The following TNS3 variants were observed in gnomAD, a reference collection of about 807,000 sequenced individuals.
TNS3 encodes tensin 3.
Under a neutral mutation model 140.9 loss-of-function variants are expected in TNS3, and 45 were observed. That is an observed-to-expected ratio of 0.32 (90% CI 0.25 to 0.41). The LOEUF (loss-of-function observed/expected upper bound fraction) is 0.41. Among genes scored for constraint, TNS3 ranks in the 10% least tolerant of loss-of-function variants. The probability of loss-of-function intolerance (pLI) is 1.00; values close to 1 mark genes in which losing one functional copy is unlikely to be tolerated. For synonymous variants in TNS3, 815 were observed against 788.4 expected (o/e 1.03, Z -0.56); for missense variants, 1,716 against 1,906.7 (o/e 0.90, Z 1.86).
intron 17 of TNS3, among the ~76,000 whole-genome samples, chr7:47,360,777 G>A (rs778774732): frequency 4.6e-5 from 7 of 152,140 alleles, no homozygotes; most frequent in African/African-American, 7.2e-5. Flanking sequence ...CCTCAGATGC[G>A]CACGCTGCTG....
At chr7:47,341,768 G>A (rs1317688906) in intron 20 of TNS3, among the ~76,000 whole-genome samples, 1 of 151,670 alleles carries the variant, frequency 6.6e-6, no homozygotes, top group East Asian at 1.9e-4. Flanking sequence ...CTTGGGTCTA[G>A]TTTGTTCTCC....
At chr7:47,546,290 G>A (rs564141021) in intron 1 of TNS3, among the ~76,000 whole-genome samples, 52 of 152,276 alleles carry the variant, frequency 3.4e-4, no homozygotes, top group Non-Finnish European at 5.7e-4. Flanking sequence ...CTTGTCTCAC[G>A]TGGCGTCCAC....
chr7:47,515,353 T>G (rs756769227), intron 2 of TNS3, among the ~76,000 whole-genome samples: 4 of 152,074 alleles, frequency 2.6e-5, no homozygotes, highest in Admixed American at 2.6e-4. Flanking sequence ...ACGATCAGCA[T>G]CATCATCACA....
At chr7:47,546,207 T>C (rs1374184994) in intron 1 of TNS3, among the ~76,000 whole-genome samples, 1 of 152,208 alleles carries the variant, frequency 6.6e-6, no homozygotes, top group Admixed American at 6.5e-5. Flanking sequence ...AAGCGGATGA[T>C]CAAATTGCAA....
chr7:47,530,225 G>C (rs1799342080), intron 1 of TNS3, among the ~76,000 whole-genome samples: 1 of 152,150 alleles, frequency 6.6e-6, no homozygotes, highest in Admixed American at 6.5e-5. Context: ...TGAGGAAAAT[G>C]TAAGAATACA....
intron 1 of TNS3, among the ~76,000 whole-genome samples, chr7:47,574,203 C>A (rs1314904160): frequency 6.6e-6 from 1 of 152,062 alleles, no homozygotes; most frequent in African/African-American, 2.4e-5. Flanking sequence ...AAAATCAGAC[C>A]CTTTTAATTG....
intron 20 of TNS3, among the ~76,000 whole-genome samples, chr7:47,344,337 C>T (rs2150990711): frequency 6.6e-6 from 1 of 152,328 alleles, no homozygotes; most frequent in Admixed American, 6.5e-5. Flanking sequence ...CCACTAATAA[C>T]AGACAGGAGG....
chr7:47,561,888 G>A (rs1277802664), intron 1 of TNS3, among the ~76,000 whole-genome samples: 2 of 150,490 alleles, frequency 1.3e-5, no homozygotes, highest in African/African-American at 2.5e-5. Flanking sequence ...AGGCCAGGCT[G>A]TGAAGACCTG....
intron 16 of TNS3, among the ~76,000 whole-genome samples, chr7:47,387,869 C>T (rs1479512393): frequency 6.6e-6 from 1 of 152,234 alleles, no homozygotes; most frequent in African/African-American, 2.4e-5. Flanking sequence ...AGAGACTCTG[C>T]TTTTCTTCAG....
chr7:47,415,066 C>T (rs778560217), intron 11 of TNS3, 28 bp downstream of exon 11: 3 of 1,561,670 alleles, frequency 1.9e-6, no homozygotes, highest in Non-Finnish European at 2.6e-6. Context: ...CAGCCAATCG[C>T]AGGTGCCACG....
intron 1 of TNS3, among the ~76,000 whole-genome samples, chr7:47,580,753 A>G (rs1252097683): frequency 6.6e-6 from 1 of 152,344 alleles, no homozygotes; most frequent in African/African-American, 2.4e-5. Context: ...AAGGGAAAGC[A>G]TGAAAGCAAT....
Position 47,569,142 on chromosome 7 carries a change from C to G in TNS3, c.-265+12909G>C, listed in dbSNP as rs998196975. On this transcript the variant is annotated intron_variant, in intron 1 of 30. Transcript: ENST00000311160. Reference sequence around the variant, plus strand: ...GTCCCCGATGCAGTATTTGTGAACACGATCTGGGGGTCTCAGCACAAAGCA... The same window carrying G: ...GTCCCCGATGCAGTATTTGTGAACAGGATCTGGGGGTCTCAGCACAAAGCA... Among the ~76,000 whole-genome samples the G allele has an allele frequency of 2.4e-4, 36 of 152,242 alleles. 1 individual carries two copies. The highest frequency in any genetic ancestry group is 2.4e-3 in the Admixed American group (36 of 15,286).
At position 47,304,694 on chromosome 7, in the gene TNS3, G is replaced by A. The variant is rs139950697; in HGVS notation, c.2822+138C>T. On this transcript the variant is annotated intron_variant, in intron 21 of 30. Coordinates refer to ENST00000311160, the MANE Select transcript of TNS3 (RefSeq NM_022748.12). ...GCACACAGCCCTGGTCCCCTGCCCC[G>A]CCCCATCTTCAGGCCAGTCCCTGCC... 623 of 849,866 alleles carry A rather than the reference G, an allele frequency of 7.3e-4. 1 individual carries two copies. Among genetic ancestry groups the A allele is most frequent in the Non-Finnish European group, 9.2e-4 (580 of 627,966 alleles). 52.6% of individuals were successfully genotyped at this position (849,866 alleles called of 1,614,324 possible). A position where few individuals can be genotyped will look rare whatever the true frequency, so the allele number is the denominator to read the frequency against.
intron 12 of TNS3, among the ~76,000 whole-genome samples, chr7:47,412,345 G>C (rs1208225885): frequency 6.6e-6 from 1 of 152,232 alleles, no homozygotes; most frequent in Non-Finnish European, 1.5e-5. Context: ...AAGGAGGCTA[G>C]ACATGGCTCA....
intron 16 of TNS3, among the ~76,000 whole-genome samples, chr7:47,386,429 C>A (rs1349312577): frequency 2.6e-5 from 4 of 152,210 alleles, no homozygotes; most frequent in Non-Finnish European, 1.5e-5. Flanking sequence ...AATCTGGGCT[C>A]CCAGCTCCAG....
intron 11 of TNS3, among the ~76,000 whole-genome samples, chr7:47,414,784 C>T (rs1793983527): frequency 6.6e-6 from 1 of 152,226 alleles, no homozygotes; most frequent in African/African-American, 2.4e-5. Flanking sequence ...GCCAACTGCA[C>T]AGCTGACCCA....
chr7:47,310,580 C>T (rs1263285135), intron 20 of TNS3, among the ~76,000 whole-genome samples: 1 of 152,040 alleles, frequency 6.6e-6, no homozygotes, highest in Non-Finnish European at 1.5e-5. Context: ...GGAAACATGA[C>T]AAATGAAAAC....
At chr7:47,348,225 G>A (rs749797482) in intron 17 of TNS3, among the ~76,000 whole-genome samples, 5 of 152,264 alleles carry the variant, frequency 3.3e-5, no homozygotes, top group African/African-American at 7.2e-5. Flanking sequence ...GGTGGCAGGC[G>A]ATAGCCCTGG....
chr7:47,298,309 C>T (rs951796912), intron 23 of TNS3, among the ~76,000 whole-genome samples: 1 of 152,220 alleles, frequency 6.6e-6, no homozygotes, highest in Non-Finnish European at 1.5e-5. Context: ...GGGCCTCGCA[C>T]AGTGGGTCAC....
Sources: gnomAD v4.1 joint callset for allele counts (sites outside exome capture counted in the v4.1 genomes callset) on GRCh38, gnomAD v4.1.1 for gene constraint, MANE v1.5 for transcripts, NCBI Gene and HGNC (gene_info 2026-07-23, HGNC 2026-07-21) for gene names.